The following SAFB2 variants were observed in gnomAD, a reference collection of about 807,000 sequenced individuals.
SAFB2 encodes scaffold attachment factor B2.
A neutral mutation model predicts 100.6 loss-of-function variants in SAFB2; 32 were observed. That is an observed-to-expected ratio of 0.32 (90% CI 0.24 to 0.43). SAFB2 has a LOEUF of 0.43. Ranked by LOEUF, SAFB2 falls within the 20% of genes least tolerant of loss-of-function variation. SAFB2 has a pLI of 1.00. For synonymous variants in SAFB2, 500 were observed against 439.4 expected, an observed-to-expected ratio of 1.14 and a Z score of -1.72; for missense variants, 1,185 against 1,163.4, an observed-to-expected ratio of 1.02 and a Z score of -0.27.
intron 17 of SAFB2, 186 bp downstream of exon 17, chr19:5,591,562 G>C: frequency 5.2e-6 from 3 of 578,956 alleles, no homozygotes; most frequent in Non-Finnish European, 9.2e-6. Context: ...ACAGGCATGA[G>C]CCACCACGTC....
At chr19:5,590,690 C>T (rs1568205284) in intron 17 of SAFB2, among the ~76,000 whole-genome samples, 2 of 152,216 alleles carry the variant, frequency 1.3e-5, no homozygotes, top group Non-Finnish European at 2.9e-5. Flanking sequence ...TCAAGATCCA[C>T]TAAGACGTCA....
intron 9 of SAFB2, among the ~76,000 whole-genome samples, chr19:5,606,136 G>A (rs189392221): frequency 2.6e-4 from 39 of 152,280 alleles, no homozygotes; most frequent in African/African-American, 6.5e-4. Flanking sequence ...GGTAATTCAC[G>A]GGCCATCAGA....
intron 11 of SAFB2, 128 bp from the exon 12 acceptor site, chr19:5,600,388 G>A: frequency 2.4e-6 from 3 of 1,253,460 alleles, no homozygotes; most frequent in Non-Finnish European, 3.3e-6. Context: ...GCAATTAGGT[G>A]GGAAAAATTA....
intron 4 of SAFB2, among the ~76,000 whole-genome samples, chr19:5,615,473 T>C (rs2053006365): frequency 6.6e-6 from 1 of 152,062 alleles, no homozygotes. Flanking sequence ...TCTGGGAGGC[T>C]GAGGCGGGAG....
At position 5,604,709 on chromosome 19, in the gene SAFB2, G is replaced by A. The variant is rs778343791; in HGVS notation, c.1447-14C>T. On this transcript the variant is annotated splice_polypyrimidine_tract_variant and intron_variant, in intron 10 of 20. Coordinates refer to ENST00000252542, the MANE Select transcript of SAFB2 (RefSeq NM_014649.3). ...CTCATTTTTGGCCTAAAATATAATAGACAGAAATGATGTGTGGCCCAGAGC... is the reference window on the plus strand; with the variant it reads ...CTCATTTTTGGCCTAAAATATAATAAACAGAAATGATGTGTGGCCCAGAGC... 2 of 1,614,026 alleles carry A rather than the reference G, an allele frequency of 1.2e-6. No homozygotes were observed. Among genetic ancestry groups the A allele is most frequent in the Admixed American group, 3.3e-5 (2 of 60,018 alleles).
chr19:5,601,743 TAAG>T (rs1000187445), intron 11 of SAFB2, among the ~76,000 whole-genome samples: 16 of 151,484 alleles, frequency 1.1e-4, no homozygotes, highest in African/African-American at 3.4e-4. Context: ...AATAAATAAA[TAAG>T]AAGGACCTTT....
intron 13 of SAFB2, among the ~76,000 whole-genome samples, chr19:5,597,299 C>T (rs138365135): frequency 4.5e-4 from 69 of 152,190 alleles, no homozygotes; most frequent in African/African-American, 1.5e-3. Flanking sequence ...GGAGTGGTGG[C>T]GCACACCTCT....
chr19:5,606,054 G>A (rs1464204456), intron 9 of SAFB2, among the ~76,000 whole-genome samples: 1 of 152,168 alleles, frequency 6.6e-6, no homozygotes, highest in African/African-American at 2.4e-5. Flanking sequence ...CAGGAGCAGA[G>A]GGAACAACCA....
intron 6 of SAFB2, chr19:5,611,904 G>C (rs1469670846): frequency 5.3e-6 from 3 of 564,058 alleles, no homozygotes; most frequent in South Asian, 1.9e-5. Context: ...AGTCTTCTTC[G>C]AGTTTTTGTT....
chr19:5,604,530 G>A, intron 11 of SAFB2, 53 bp downstream of exon 11: 1 of 1,385,084 alleles, frequency 7.2e-7, no homozygotes, highest in Non-Finnish European at 1.0e-6. Flanking sequence ...CATGGTGGCT[G>A]CCCGTGCCCT....
chr19:5,622,727 C>T lies in SAFB2; in HGVS notation c.-12G>A, dbSNP rs561263243. 2.5e-6 allele frequency: 4 copies of T among 1,594,124 alleles called. No homozygotes were observed. The highest frequency in any genetic ancestry group is 2.7e-5 in the African/African-American group (2 of 74,698). ...AGAGTCTCCGCCATCGTCGCGTTCC[C>T]GTCTTCGCCACCGACTCAGTCGCAC... On this transcript the variant is annotated 5_prime_UTR_variant, in exon 1 of 21. Transcript: ENST00000252542.
chr19:5,589,451 CAG>C (rs2052340126), intron 18 of SAFB2, among the ~76,000 whole-genome samples: 1 of 151,974 alleles, frequency 6.6e-6, no homozygotes, highest in Non-Finnish European at 1.5e-5. Flanking sequence ...CGGGGGAGCA[CAG>C]GGGGCCAAAA....
At chr19:5,616,046 C>T (rs2145358737) in intron 4 of SAFB2, 86 bp downstream of exon 4, 1 of 1,247,510 alleles carries the variant, frequency 8.0e-7, no homozygotes, top group Non-Finnish European at 1.2e-6. Context: ...GGCGGTTTAG[C>T]TGTGTTCTCC....
intron 9 of SAFB2, among the ~76,000 whole-genome samples, chr19:5,607,327 CACA>C (rs1157927292): frequency 1.3e-5 from 2 of 151,846 alleles, no homozygotes; most frequent in Admixed American, 6.6e-5. Context: ...AAAGCCAAAC[CACA>C]ACAAGTCAAA....
chr19:5,613,059 C>T (rs574582126), intron 5 of SAFB2, among the ~76,000 whole-genome samples: 15 of 152,370 alleles, frequency 9.8e-5, no homozygotes, highest in Non-Finnish European at 1.6e-4. Flanking sequence ...CTCAGCGAGG[C>T]GGGCCCAGCT....
chr19:5,612,506 C>T, intron 6 of SAFB2, 34 bp downstream of exon 6: 1 of 1,596,700 alleles, frequency 6.3e-7, no homozygotes, highest in Non-Finnish European at 8.6e-7. Flanking sequence ...TGAAAACTTT[C>T]AAACCATAAC....
chr19:5,613,553 T>C (rs1320373692), intron 4 of SAFB2, 26 bp from the exon 5 acceptor site: 5 of 1,610,338 alleles, frequency 3.1e-6, no homozygotes, highest in Non-Finnish European at 4.2e-6. Flanking sequence ...GAAGATGACT[T>C]CGTGGAGGCT....
intron 1 of SAFB2, 102 bp from the exon 2 acceptor site, chr19:5,621,498 T>C: frequency 2.5e-6 from 2 of 815,514 alleles, no homozygotes; most frequent in Non-Finnish European, 4.2e-6. Context: ...AAACCCGTCC[T>C]TGCAAAGAGC....
At chr19:5,589,849 G>C (rs75333485) in intron 18 of SAFB2, among the ~76,000 whole-genome samples, 2,304 of 152,260 alleles carry the variant, frequency 0.015, 21 homozygotes, top group Non-Finnish European at 0.024. Context: ...GGGTTGAGAA[G>C]ATCCACCCCA....
Sources: gnomAD v4.1 joint callset for allele counts (sites outside exome capture counted in the v4.1 genomes callset) on GRCh38, gnomAD v4.1.1 for gene constraint, MANE v1.5 for transcripts, NCBI Gene and HGNC (gene_info 2026-07-23, HGNC 2026-07-21) for gene names.